LAMC3: variants seen among roughly 807,000 people sequenced by gnomAD.
LAMC3 encodes the protein laminin subunit gamma-3.
LAMC3 carries 128 observed loss-of-function variants against 173.8 expected under a neutral mutation model. The observed-to-expected ratio is 0.74, with a 90% confidence interval of 0.64 to 0.85. The LOEUF is 0.85. Among genes scored for constraint, LAMC3 ranks in the 40% least tolerant of loss-of-function variants. The probability of loss-of-function intolerance (pLI) is 0.00; values close to 1 mark genes in which losing one functional copy is unlikely to be tolerated. For synonymous variants in LAMC3, 897 were observed against 909.1 expected (o/e 0.99, Z 0.24); for missense variants, 2,022 against 2,156.0 (o/e 0.94, Z 1.23).
chr9:131,037,085 G>A (rs1046537750), intron 4 of LAMC3, among the ~76,000 whole-genome samples: 13 of 152,192 alleles, frequency 8.5e-5, no homozygotes, highest in African/African-American at 2.9e-4. Flanking sequence ...GGCCGGGGGC[G>A]GCTTGTTCTG....
In LAMC3 at chr9:131,047,937, C is replaced by T. The variant is rs1308732089; in HGVS notation, c.1520-1083C>T. On this transcript the variant is annotated intron_variant, in intron 8 of 27. Coordinates refer to ENST00000361069, the MANE Select transcript of LAMC3 (RefSeq NM_006059.4). ...TTTTATTTTATTTTTTTAGCAGAGA[C>T]GGGGTTTGCCATGTTGACCAGGATG... is the stretch of plus-strand genomic sequence containing the variant. Among the ~76,000 whole-genome samples the T allele has an allele frequency of 2.8e-4, 14 of 50,242 alleles. No homozygotes were observed. In the South Asian group the frequency reaches 5.1e-3, roughly 18 times the overall value. The allele number at this position is 50,242 out of a possible 152,430, so 33.0% of individuals were successfully genotyped here.
chr9:131,077,475 G>C, intron 22 of LAMC3, 141 bp downstream of exon 22: 1 of 1,054,582 alleles, frequency 9.5e-7, no homozygotes. Flanking sequence ...TCAGGAGTTT[G>C]AGACCACCTG....
At chr9:131,055,707 G>A (rs966886778) in intron 11 of LAMC3, among the ~76,000 whole-genome samples, 5 of 150,532 alleles carry the variant, frequency 3.3e-5, no homozygotes, top group Admixed American at 2.0e-4. Context: ...TTACAGGCTC[G>A]AGCCACCGCG....
rs369520791 is a variant in LAMC3 at position 131,052,698 on chromosome 9, C to A, written c.1823+15C>A. On this transcript the variant is annotated intron_variant, in intron 10 of 27. Coordinates refer to ENST00000361069, the MANE Select transcript of LAMC3 (RefSeq NM_006059.4). ...CTCAGGTTCCAGTAAGTATCCCCTT[C>A]TGTCCTGAGAGATGGGGAGGTGAGA... 12 of 1,610,006 alleles carry A rather than the reference C, an allele frequency of 7.5e-6. No homozygotes were observed. In the African/African-American group the frequency reaches 1.3e-4, roughly 18 times the overall value.
intron 16 of LAMC3, 56 bp downstream of exon 16, chr9:131,069,106 G>A (rs949195580): frequency 3.1e-6 from 5 of 1,588,678 alleles, no homozygotes; most frequent in African/African-American, 2.7e-5. Flanking sequence ...GAGGGTCTCT[G>A]GGCAGAGATG....
chr9:131,056,676 G>A (rs764692745), intron 11 of LAMC3, among the ~76,000 whole-genome samples: 9 of 152,038 alleles, frequency 5.9e-5, no homozygotes, highest in Admixed American at 1.3e-4. Flanking sequence ...GCCTGTAGTC[G>A]CAGCTACTTG....
intron 1 of LAMC3, among the ~76,000 whole-genome samples, chr9:131,012,813 G>A (rs1833446587): frequency 1.3e-5 from 2 of 152,246 alleles, no homozygotes; most frequent in African/African-American, 4.8e-5. Flanking sequence ...CTCTGGCCCG[G>A]GGTCTCCTAG....
At chr9:131,040,970 T>C (rs1834041275) in intron 6 of LAMC3, among the ~76,000 whole-genome samples, 1 of 151,894 alleles carries the variant, frequency 6.6e-6, no homozygotes, top group Admixed American at 6.6e-5. Flanking sequence ...GAGGGAGGGA[T>C]GGAAAGATGC....
chr9:131,036,829 G>T (rs1833954184), intron 4 of LAMC3, among the ~76,000 whole-genome samples: 1 of 152,234 alleles, frequency 6.6e-6, no homozygotes. Flanking sequence ...CAGGCCAAGA[G>T]CAGGGACCCA....
At chr9:131,012,062 T>TAC (rs33965311) in intron 1 of LAMC3, among the ~76,000 whole-genome samples, 10,977 of 138,420 alleles carry the variant, frequency 0.079, 442 homozygotes, top group Middle Eastern at 0.14. Context: ...CACACACACA[T>TAC]ACACACACAC....
In LAMC3 at chr9:131,052,633, G is replaced by C; in HGVS notation, c.1773G>C (p.Leu591=). Residue 591 remains leucine (L), a synonymous_variant, in exon 10 of 28, where the codon CTG becomes CTC. Transcript: ENST00000361069. ...CCCTGTCCCTGAGGCACTCTAGCCT[G>C]TCTGGCCCCCAGGATGCCGGGCATC... ...GLALSLRHSS[L]SGPQDAGHPR... is the part of the protein sequence containing the mutation. The C allele has an allele frequency of 6.2e-7, 1 of 1,613,982 alleles. No homozygotes were observed. The highest frequency in any genetic ancestry group is 8.5e-7 in the Non-Finnish European group (1 of 1,179,972).
intron 12 of LAMC3, among the ~76,000 whole-genome samples, chr9:131,058,035 G>A (rs1829728948): frequency 6.6e-6 from 1 of 152,216 alleles, no homozygotes; most frequent in Non-Finnish European, 1.5e-5. Flanking sequence ...GCAGAGCCGT[G>A]CCTCCCTCCA....
At chr9:131,084,455 T>C (rs768388473) in intron 24 of LAMC3, among the ~76,000 whole-genome samples, 3 of 151,588 alleles carry the variant, frequency 2.0e-5, no homozygotes, top group Non-Finnish European at 2.9e-5. Context: ...ATCCTCCTGC[T>C]TCAGCCTCCA....
At chr9:131,048,609 G>T (rs1240920046) in intron 8 of LAMC3, among the ~76,000 whole-genome samples, 2 of 152,160 alleles carry the variant, frequency 1.3e-5, no homozygotes, top group Non-Finnish European at 2.9e-5. Flanking sequence ...GGACCAGAAG[G>T]CCTGGGCTCC....
intron 8 of LAMC3, among the ~76,000 whole-genome samples, 153 bp downstream of exon 8, chr9:131,045,813 G>A (rs574656341): frequency 1.3e-5 from 2 of 152,306 alleles, no homozygotes; most frequent in Non-Finnish European, 2.9e-5. Context: ...GTGAGATGAT[G>A]GCTCCCCAGT....
At chr9:131,043,000 C>T (rs1471370315) in intron 7 of LAMC3, among the ~76,000 whole-genome samples, 1 of 152,058 alleles carries the variant, frequency 6.6e-6, no homozygotes, top group Admixed American at 6.5e-5. Flanking sequence ...ACTATCACAA[C>T]CCTCCCCTTT....
Position 131,064,200 on chromosome 9 carries a change from G to A in LAMC3, c.2348-2760G>A, listed in dbSNP as rs192537613. Among the ~76,000 whole-genome samples, 1,137 of 152,132 alleles carry A rather than the reference G, an allele frequency of 7.5e-3. 17 individuals are homozygous for A. The highest frequency in any genetic ancestry group is 0.026 in the African/African-American group (1,078 of 41,510). On this transcript the variant is annotated intron_variant, in intron 13 of 27. Coordinates refer to ENST00000361069, the MANE Select transcript of LAMC3 (RefSeq NM_006059.4). The stretch of plus-strand genomic sequence containing the variant: ...TGTGATTATAGGCATGAACCACCAC[G>A]CCCAGCCAGTACCATTAACTTCATT...
Position 131,036,174 on chromosome 9 carries a change from G to GCAA in LAMC3, c.820_822dup (p.Asn274dup), listed in dbSNP as rs1484825895. The GCAA allele has an allele frequency of 3.7e-6, 6 of 1,613,222 alleles. No individual in the cohort carries two copies. The highest frequency in any genetic ancestry group is 5.1e-6 in the Non-Finnish European group (6 of 1,179,906). On this transcript the variant is annotated inframe_insertion, in exon 4 of 28. Transcript: ENST00000361069. ...TCTGTGTCTTTTCCCAGGTGCAAGTGCAACGGGCATGCCAGCGAGTGCGGC... is the reference window on the plus strand; with the variant it reads ...TCTGTGTCTTTTCCCAGGTGCAAGTGCAACAACGGGCATGCCAGCGAGTGCGGC...
chr9:131,029,056 G>A lies in LAMC3; in HGVS notation c.678+2467G>A, dbSNP rs559251905. On this transcript the variant is annotated intron_variant, in intron 2 of 27. Coordinates refer to ENST00000361069, the MANE Select transcript of LAMC3 (RefSeq NM_006059.4). This position sits in a 1 kb window ranked among gnomAD's most constrained non-coding sequence, Gnocchi z 4.6. ...CTCCAGCCCCTCCAGAGGTGAAGCC[G>A]ATTCTGTGTGGCCCGAGGCCCCCAC... 2.6e-4 allele frequency among the ~76,000 whole-genome samples: 40 copies of A among 152,298 alleles called. No homozygotes were observed. Among genetic ancestry groups the A allele is most frequent in the East Asian group, 1.7e-3 (9 of 5,160 alleles).
Sources: allele counts gnomAD v4.1 joint callset (sites outside exome capture counted in the v4.1 genomes callset), GRCh38; gene constraint gnomAD v4.1.1; non-coding constraint Gnocchi (gnomAD v3.1); transcripts MANE v1.5; gene names NCBI Gene and HGNC (gene_info 2026-07-23, HGNC 2026-07-21).